Variants in SERINC5 observed in about 807,000 individuals in gnomAD.
SERINC5 encodes the protein serine incorporator 5.
Under a neutral mutation model 63.1 loss-of-function variants are expected in SERINC5, and 41 were observed. The ratio of observed to expected loss-of-function variants is 0.65; its 90% CI spans 0.51 to 0.84. SERINC5 has a LOEUF of 0.84. Ranked by LOEUF, SERINC5 falls within the 40% of genes least tolerant of loss-of-function variation. The pLI, the probability that SERINC5 is intolerant of heterozygous loss-of-function variation, is 0.00. For synonymous variants in SERINC5, 222 were observed against 215.2 expected (o/e 1.03, Z -0.28); for missense variants, 523 against 573.0 (o/e 0.91, Z 0.89).
Position 80,141,721 on chromosome 5 carries a change from C to T in SERINC5, c.*1942G>A, listed in dbSNP as rs1745520839. Reference sequence around the variant, plus strand: ...GGAACTCCTGTCCCCTAACTGATTCCTCAGGTTAGAACACGGCTTTTCATT... The same window carrying T: ...GGAACTCCTGTCCCCTAACTGATTCTTCAGGTTAGAACACGGCTTTTCATT... On this transcript the variant is annotated 3_prime_UTR_variant, in exon 12 of 12. Transcript: ENST00000507668. 1.0e-6 allele frequency: 1 copy of T among 985,546 alleles called. No individual in the cohort carries two copies. 61.1% of individuals were successfully genotyped at this position (985,546 alleles called of 1,614,324 possible). A position where few individuals can be genotyped will look rare whatever the true frequency, so the allele number is the denominator to read the frequency against.
At chr5:80,182,043 G>A (rs373061507) in intron 2 of SERINC5, among the ~76,000 whole-genome samples, 23 of 152,110 alleles carry the variant, frequency 1.5e-4, no homozygotes, top group African/African-American at 5.1e-4. Flanking sequence ...CAGAGTATAC[G>A]ATTGTGTACG....
At chr5:80,185,321 T>C (rs907497924) in intron 2 of SERINC5, among the ~76,000 whole-genome samples, 3 of 152,128 alleles carry the variant, frequency 2.0e-5, no homozygotes, top group Admixed American at 2.0e-4. Flanking sequence ...TTGAGCTAGC[T>C]ACACACATAC....
At chr5:80,205,111 TA>T (rs1750087115) in intron 1 of SERINC5, among the ~76,000 whole-genome samples, 1 of 152,138 alleles carries the variant, frequency 6.6e-6, no homozygotes, top group Admixed American at 6.5e-5. Flanking sequence ...TCTGCACTGA[TA>T]AGGAGAGTTA....
intron 2 of SERINC5, among the ~76,000 whole-genome samples, chr5:80,180,049 A>C (rs1748318791): frequency 6.6e-6 from 1 of 152,164 alleles, no homozygotes; most frequent in Admixed American, 6.6e-5. Flanking sequence ...TTGGCTGTTA[A>C]TTGGGTATTT....
At chr5:80,174,369 A>AAAT (rs55865818) in intron 5 of SERINC5, among the ~76,000 whole-genome samples, 2,844 of 131,694 alleles carry the variant, frequency 0.022, 87 homozygotes, top group African/African-American at 0.069. Flanking sequence ...CCCATCTCAA[A>AAAT]AATAATAATA....
chr5:80,174,960 T>C lies in SERINC5; in HGVS notation c.545A>G (p.Lys182Arg). 1 of 1,596,008 alleles carries C rather than the reference T, an allele frequency of 6.3e-7. No homozygotes were observed. Among genetic ancestry groups the C allele is most frequent in the African/African-American group, 1.3e-5 (1 of 74,734 alleles). Residue 182 changes from lysine to arginine, a missense_variant, in exon 5 of 12, where the codon AAG becomes AGG. Lys to Arg is a conservative substitution (Grantham distance 26). Transcript: ENST00000507668. ...TTTCCATAAAGGCACACACCAGTTC[T>C]TGTTCCACTTATGTGCAAACTCCAC... is the stretch of plus-strand genomic sequence containing the variant. ...LLVEFAHKWN[K>R]NWTAGTASNK...
chr5:80,118,328 TG>T (rs1427740402), intron 11 of SERINC5, among the ~76,000 whole-genome samples: 5 of 152,216 alleles, frequency 3.3e-5, no homozygotes, highest in Non-Finnish European at 4.4e-5. Context: ...GACGTCTTTT[TG>T]GGAACCATCT....
chr5:80,145,263 G>A (rs1410141790), intron 11 of SERINC5, among the ~76,000 whole-genome samples: 2 of 152,066 alleles, frequency 1.3e-5, no homozygotes, highest in East Asian at 3.8e-4. Context: ...AGAATCACTT[G>A]AACCCAGGGG....
intron 2 of SERINC5, among the ~76,000 whole-genome samples, chr5:80,195,778 T>C (rs1171306544): frequency 6.6e-6 from 1 of 152,226 alleles, no homozygotes; most frequent in Non-Finnish European, 1.5e-5. Context: ...AAGATGTGCT[T>C]ATGAATAGCC....
intron 1 of SERINC5, among the ~76,000 whole-genome samples, chr5:80,248,502 T>C (rs1311295390): frequency 2.0e-5 from 3 of 152,296 alleles, no homozygotes; most frequent in Middle Eastern, 6.8e-3. Context: ...ATTGTTTATT[T>C]CTGGAATTTT....
intron 1 of SERINC5, 103 bp from the exon 2 acceptor site, chr5:80,203,156 G>C: frequency 1.7e-6 from 2 of 1,158,254 alleles, no homozygotes; most frequent in South Asian, 2.8e-5. Flanking sequence ...TGCTACTCGG[G>C]GGGCTGGAGG....
chr5:80,171,164 C>A (rs780562434), intron 5 of SERINC5, among the ~76,000 whole-genome samples: 10 of 152,110 alleles, frequency 6.6e-5, no homozygotes, highest in Non-Finnish European at 1.5e-4. Context: ...TATCCACCAC[C>A]ATGCCGGGCT....
downstream of SERINC5, among the ~76,000 whole-genome samples, chr5:80,137,160 A>C (rs12521861): frequency 0.035 from 3,428 of 96,692 alleles, 154 homozygotes; most frequent in African/African-American, 0.1. Flanking sequence ...AAAAAAAAAA[A>C]AAACAAAAAA....
At chr5:80,240,789 C>A (rs573336237) in intron 1 of SERINC5, among the ~76,000 whole-genome samples, 2 of 152,076 alleles carry the variant, frequency 1.3e-5, no homozygotes, top group Admixed American at 6.6e-5. Flanking sequence ...CCCACCTCAT[C>A]CCCCTGCCGA....
At position 80,124,889 on chromosome 5, in the gene SERINC5, A is replaced by G. The variant is rs1012641760; in HGVS notation, c.1239-11264T>C. Among the ~76,000 whole-genome samples the G allele has an allele frequency of 5.9e-5, 9 of 152,260 alleles. No individual in the cohort carries two copies. The East Asian group carries it at 1.7e-3, about 29-fold the overall frequency. On this transcript the variant is annotated intron_variant, in intron 11 of 12. Transcript: ENST00000509193. The stretch of plus-strand genomic sequence containing the variant: ...GGAGTAGTTGCAGGTAGTCTTGTTT[A>G]TGAACATGGCAATCAGAAGCCCATC...
intron 12 of SERINC5, among the ~76,000 whole-genome samples, chr5:80,112,192 G>A (rs767651758): frequency 2.4e-4 from 37 of 152,294 alleles, no homozygotes; most frequent in Non-Finnish European, 3.8e-4. Context: ...CATACCGAAC[G>A]GAATGTCTCG....
At chr5:80,117,963 G>C (rs1744398703) in intron 11 of SERINC5, among the ~76,000 whole-genome samples, 1 of 151,638 alleles carries the variant, frequency 6.6e-6, no homozygotes, top group Non-Finnish European at 1.5e-5. Context: ...AGCATGTTGG[G>C]AGGCCGAGGT....
intron 7 of SERINC5, 100 bp from the exon 8 acceptor site, chr5:80,159,062 C>T: frequency 8.5e-7 from 1 of 1,173,924 alleles, no homozygotes; most frequent in South Asian, 1.3e-5. Context: ...TGTGGTGTAC[C>T]TCCTTAGAAC....
chr5:80,208,585 G>C (rs1244471353), intron 1 of SERINC5, among the ~76,000 whole-genome samples: 11 of 152,098 alleles, frequency 7.2e-5, no homozygotes, highest in African/African-American at 2.7e-4. Flanking sequence ...TCCCACGCAA[G>C]CACTGAATCA....
Sources: allele counts gnomAD v4.1 joint callset (sites outside exome capture counted in the v4.1 genomes callset), GRCh38; gene constraint gnomAD v4.1.1; transcripts MANE v1.5; gene names NCBI Gene and HGNC (gene_info 2026-07-23, HGNC 2026-07-21).